The following ZNF438 variants were observed in gnomAD, a reference collection of about 807,000 sequenced individuals.
ZNF438 encodes the protein zinc finger protein 438.
A neutral mutation model predicts 38.0 loss-of-function variants in ZNF438; 25 were observed. The ratio of observed to expected loss-of-function variants is 0.66; its 90% CI spans 0.48 to 0.92. The LOEUF (loss-of-function observed/expected upper bound fraction) is 0.92. ZNF438 is among the 40% of genes least tolerant of loss of function. The pLI, the probability that ZNF438 is intolerant of heterozygous loss-of-function variation, is 0.00. For missense variants in ZNF438, 1,007 were observed against 999.6 expected (o/e 1.01, Z -0.10); for synonymous variants, 372 against 364.1 (o/e 1.02, Z -0.25).
rs145799644 is a variant in ZNF438 at position 31,031,227 on chromosome 10, A to G, written c.-192+606T>C. Among the ~76,000 whole-genome samples, 504 of 152,346 alleles carry G rather than the reference A, an allele frequency of 3.3e-3. 4 individuals are homozygous for G. The highest frequency in any genetic ancestry group is 0.011 in the African/African-American group (455 of 41,584). ...TCAGAATAACCAAGTGTCTGTGTATAAGCTTTCTCCTAGCAAATTTACACA... is the reference window on the plus strand; with the variant it reads ...TCAGAATAACCAAGTGTCTGTGTATGAGCTTTCTCCTAGCAAATTTACACA... On this transcript the variant is annotated intron_variant, in intron 1 of 5. Transcript: ENST00000413025.
In ZNF438 at chr10:30,977,764, C is replaced by G. The variant is rs556686954; in HGVS notation, c.-191-36113G>C. Among the ~76,000 whole-genome samples, 466 of 152,026 alleles carry G rather than the reference C, an allele frequency of 3.1e-3. 2 individuals are homozygous for G. The highest frequency in any genetic ancestry group is 2.2e-3 in the Non-Finnish European group (151 of 67,978). On this transcript the variant is annotated intron_variant, in intron 1 of 5. Transcript: ENST00000413025. ...CTTTGGGAGGCCGAGGCTAGCGGATCGCAAGGTCAGGAGTTCGAGACTAGC... is the reference window on the plus strand; with the variant it reads ...CTTTGGGAGGCCGAGGCTAGCGGATGGCAAGGTCAGGAGTTCGAGACTAGC...
chr10:30,864,204 G>T (rs1479226147), intron 4 of ZNF438, among the ~76,000 whole-genome samples: 1 of 152,140 alleles, frequency 6.6e-6, no homozygotes, highest in African/African-American at 2.4e-5. Flanking sequence ...TTTCTGTGAT[G>T]GGGGAAAGGA....
At chr10:30,917,722 T>C (rs1054551765) in intron 2 of ZNF438, among the ~76,000 whole-genome samples, 1 of 152,222 alleles carries the variant, frequency 6.6e-6, no homozygotes, top group African/African-American at 2.4e-5. Context: ...TTGACAAATA[T>C]ACATTTAGCA....
chr10:30,967,606 T>C (rs1176411754), intron 1 of ZNF438, among the ~76,000 whole-genome samples: 3 of 152,232 alleles, frequency 2.0e-5, no homozygotes, highest in Non-Finnish European at 2.9e-5. Context: ...ACAACAAATA[T>C]GGCTGCTAAA....
intron 1 of ZNF438, among the ~76,000 whole-genome samples, chr10:30,945,418 T>A (rs2047283208): frequency 6.6e-6 from 1 of 151,926 alleles, no homozygotes; most frequent in Non-Finnish European, 1.5e-5. Flanking sequence ...TTTTACTTTT[T>A]TTTATTATAC....
chr10:30,855,948 C>CCGAATA (rs1411212679), intron 4 of ZNF438, among the ~76,000 whole-genome samples: 1 of 152,186 alleles, frequency 6.6e-6, no homozygotes, highest in Non-Finnish European at 1.5e-5. Flanking sequence ...TAACTTCCCA[C>CCGAATA]CGAATACGCT....
At chr10:30,867,660 G>A (rs983387594) in intron 4 of ZNF438, among the ~76,000 whole-genome samples, 3 of 152,146 alleles carry the variant, frequency 2.0e-5, no homozygotes, top group East Asian at 1.9e-4. Context: ...GTGTTGATGA[G>A]TACGAGTGGG....
chr10:30,980,421 G>T (rs1483101296), intron 1 of ZNF438, among the ~76,000 whole-genome samples: 1 of 152,098 alleles, frequency 6.6e-6, no homozygotes, highest in Non-Finnish European at 1.5e-5. Context: ...GGAGTAATTT[G>T]GGATACATTT....
intron 3 of ZNF438, among the ~76,000 whole-genome samples, chr10:30,893,744 C>T (rs2040996983): frequency 6.6e-6 from 1 of 152,130 alleles, no homozygotes; most frequent in African/African-American, 2.4e-5. Flanking sequence ...TAGATGTACA[C>T]TGCTCCCTAA....
intron 2 of ZNF438, among the ~76,000 whole-genome samples, chr10:30,910,680 G>A (rs2042987517): frequency 1.0e-5 from 1 of 99,810 alleles, no homozygotes; most frequent in Non-Finnish European, 2.1e-5. Flanking sequence ...TTTGTATATT[G>A]GCCAAAAAAA....
chr10:30,878,017 T>C (rs916286505), intron 3 of ZNF438, among the ~76,000 whole-genome samples: 20 of 152,194 alleles, frequency 1.3e-4, no homozygotes, highest in Non-Finnish European at 7.4e-5. Flanking sequence ...AGACAGAACA[T>C]ATGAAACAAT....
At chr10:30,960,921 C>A (rs1789597853) in intron 1 of ZNF438, among the ~76,000 whole-genome samples, 1 of 146,270 alleles carries the variant, frequency 6.8e-6, no homozygotes, top group Non-Finnish European at 1.5e-5. Context: ...AGTTTTCCCA[C>A]CCCCGACACT....
chr10:30,852,490 G>A (rs949499101), intron 4 of ZNF438, among the ~76,000 whole-genome samples: 4 of 152,164 alleles, frequency 2.6e-5, no homozygotes, highest in African/African-American at 4.8e-5. Context: ...TTACAGGCAT[G>A]AGCCACCGCG....
rs2049876603 is a variant in ZNF438 at position 30,964,285 on chromosome 10, A to G, written c.-191-22634T>C. ...CAACTATTTGTTTAATGCCCTATTC[A>G]AGCTTCCATTAAATCTTTGATCACT... On this transcript the variant is annotated intron_variant, in intron 1 of 5. Transcript: ENST00000413025. 2.0e-5 allele frequency among the ~76,000 whole-genome samples: 3 copies of G among 152,210 alleles called. No individual in the cohort carries two copies. The South Asian group carries it at 6.2e-4, about 32-fold the overall frequency.
chr10:30,945,616 T>C (rs913674087), intron 1 of ZNF438, among the ~76,000 whole-genome samples: 6 of 145,752 alleles, frequency 4.1e-5, no homozygotes, highest in African/African-American at 7.6e-5. Context: ...TGTGATCTCA[T>C]TGTTCAATTC....
chr10:30,864,685 G>A (rs1477126117), intron 4 of ZNF438, among the ~76,000 whole-genome samples: 1 of 152,146 alleles, frequency 6.6e-6, no homozygotes, highest in East Asian at 1.9e-4. Flanking sequence ...CTATGCTACT[G>A]CTGAACACAA....
intron 1 of ZNF438, among the ~76,000 whole-genome samples, chr10:30,951,423 A>C (rs1455812453): frequency 6.6e-6 from 1 of 151,906 alleles, no homozygotes. Context: ...AGAAGGAAAT[A>C]AAGGGTATTC....
intron 2 of ZNF438, among the ~76,000 whole-genome samples, chr10:30,940,593 C>T (rs1288849355): frequency 6.6e-6 from 1 of 152,124 alleles, no homozygotes; most frequent in African/African-American, 2.4e-5. Context: ...TCAGGATCTT[C>T]GTGGGAGGCT....
At chr10:30,978,623 C>A (rs1260510202) in intron 1 of ZNF438, among the ~76,000 whole-genome samples, 3 of 152,108 alleles carry the variant, frequency 2.0e-5, no homozygotes, top group Non-Finnish European at 4.4e-5. Context: ...CAGTCACAAC[C>A]CACCCTTAGC....
Sources: gnomAD v4.1 joint callset for allele counts (sites outside exome capture counted in the v4.1 genomes callset) on GRCh38, gnomAD v4.1.1 for gene constraint, MANE v1.5 for transcripts, NCBI Gene and HGNC (gene_info 2026-07-23, HGNC 2026-07-21) for gene names.